Variants in NRXN1 observed in about 807,000 individuals in gnomAD.
The protein encoded by NRXN1 is neurexin 1, also known as neurexin-1.
A neutral mutation model predicts 150.9 loss-of-function variants in NRXN1; 39 were observed. The ratio of observed to expected loss-of-function variants is 0.26; its 90% CI spans 0.20 to 0.34. The LOEUF (loss-of-function observed/expected upper bound fraction) is 0.34. Ranked by LOEUF, NRXN1 falls within the 10% of genes least tolerant of loss-of-function variation. NRXN1 has a pLI of 1.00. For missense variants in NRXN1, 1,815 were observed against 1,949.9 expected (o/e 0.93, Z 1.30); for synonymous variants, 924 against 757.0 (o/e 1.22, Z -3.62).
intron 17 of NRXN1, among the ~76,000 whole-genome samples, chr2:50,449,390 A>G (rs2086754095): frequency 1.3e-5 from 2 of 152,236 alleles, no homozygotes; most frequent in Admixed American, 6.5e-5. Flanking sequence ...TTCTAAGAGA[A>G]GTCTTCCCTC....
intron 17 of NRXN1, among the ~76,000 whole-genome samples, chr2:50,366,969 T>C (rs989570546): frequency 2.0e-5 from 3 of 151,998 alleles, no homozygotes; most frequent in Non-Finnish European, 2.9e-5. Flanking sequence ...ACACGCCTAA[T>C]GGATATAACT....
chr2:49,933,253 A>C (rs1339030414), intron 22 of NRXN1, among the ~76,000 whole-genome samples: 1 of 151,826 alleles, frequency 6.6e-6, no homozygotes, highest in African/African-American at 2.4e-5. Flanking sequence ...CGCCCGGCTA[A>C]TTTTTTGAAT....
At chr2:50,552,475 A>G in intron 9 of NRXN1, 112 bp downstream of exon 9, 1 of 783,096 alleles carries the variant, frequency 1.3e-6, no homozygotes, top group Non-Finnish European at 2.1e-6. Flanking sequence ...CTTTTAGGCT[A>G]AAGAAACAAA....
At chr2:50,622,419 G>A (rs1450801769) in intron 6 of NRXN1, among the ~76,000 whole-genome samples, 1 of 152,050 alleles carries the variant, frequency 6.6e-6, no homozygotes, top group Non-Finnish European at 1.5e-5. Flanking sequence ...AATATGTTAA[G>A]GATATTAGTT....
At chr2:50,532,418 T>A (rs1209710270) in intron 10 of NRXN1, among the ~76,000 whole-genome samples, 1 of 152,048 alleles carries the variant, frequency 6.6e-6, no homozygotes, top group East Asian at 1.9e-4. Flanking sequence ...AAAGGTGATG[T>A]TCAAAAAGAA....
chr2:50,117,405 C>G (rs533027059), intron 18 of NRXN1, among the ~76,000 whole-genome samples: 1 of 152,086 alleles, frequency 6.6e-6, no homozygotes, highest in East Asian at 1.9e-4. Flanking sequence ...AGGGATTTTC[C>G]ACACCCTTCT....
At chr2:50,706,105 A>G (rs546817826) in intron 5 of NRXN1, among the ~76,000 whole-genome samples, 2 of 152,276 alleles carry the variant, frequency 1.3e-5, no homozygotes, top group East Asian at 3.9e-4. Context: ...AGACATTGCT[A>G]TCATGAGGTT....
chr2:50,043,765 C>A (rs1691381649), intron 21 of NRXN1, among the ~76,000 whole-genome samples: 1 of 152,156 alleles, frequency 6.6e-6, no homozygotes, highest in Admixed American at 6.6e-5. Context: ...CTTATAACAG[C>A]TAGCATAGCA....
chr2:50,124,610 T>C (rs974609747), intron 18 of NRXN1, among the ~76,000 whole-genome samples: 2 of 152,094 alleles, frequency 1.3e-5, no homozygotes, highest in Admixed American at 6.6e-5. Context: ...AAAACTTCCA[T>C]TGTGCCCTGC....
At chr2:50,497,757 G>C (rs2104921675) in intron 13 of NRXN1, 43 bp from the exon 14 acceptor site, 1 of 1,537,974 alleles carries the variant, frequency 6.5e-7, no homozygotes, top group South Asian at 1.3e-5. Context: ...GTATCTGAAA[G>C]GCACTTTCAA....
chr2:50,611,683 T>C (rs1333864151), intron 8 of NRXN1, among the ~76,000 whole-genome samples: 1 of 152,238 alleles, frequency 6.6e-6, no homozygotes, highest in Non-Finnish European at 1.5e-5. Flanking sequence ...CAAATGTGTT[T>C]TCTGTGCATT....
chr2:50,415,096 TG>T (rs1280404202), intron 17 of NRXN1, among the ~76,000 whole-genome samples: 1 of 152,094 alleles, frequency 6.6e-6, no homozygotes, highest in Non-Finnish European at 1.5e-5. Flanking sequence ...AACTGTGGAA[TG>T]GTACATAGGA....
chr2:50,067,177 G>C (rs1316636414), intron 19 of NRXN1, among the ~76,000 whole-genome samples: 1 of 152,202 alleles, frequency 6.6e-6, no homozygotes, highest in Non-Finnish European at 1.5e-5. Context: ...GTCTACTGCA[G>C]AGTTCAATGG....
intron 5 of NRXN1, among the ~76,000 whole-genome samples, chr2:50,651,614 T>C (rs761324401): frequency 2.6e-5 from 4 of 151,946 alleles, no homozygotes; most frequent in Non-Finnish European, 4.4e-5. Context: ...GCTGTAAACA[T>C]GCACTGCACT....
rs1052147813 is a variant in NRXN1, at chr2:50,871,713, T to C, written c.832+50156A>G. Among the ~76,000 whole-genome samples the C allele has an allele frequency of 2.0e-5, 3 of 151,784 alleles. No individual in the cohort carries two copies. In the East Asian group the frequency reaches 5.8e-4, roughly 30 times the overall value. On this transcript the variant is annotated intron_variant, in intron 5 of 22. Coordinates refer to ENST00000401669, the MANE Select transcript of NRXN1 (RefSeq NM_001330078.2). ...ACATGCCGAGGGGTCACTAAAAGCA[T>C]ATTAAGGAGCTTCAAAATTTTCAAG...
At chr2:50,349,875 G>A (rs183582638) in intron 17 of NRXN1, among the ~76,000 whole-genome samples, 7 of 152,268 alleles carry the variant, frequency 4.6e-5, no homozygotes, top group African/African-American at 1.4e-4. Context: ...CATATATTGT[G>A]TTAATCTATC....
In NRXN1 at chr2:50,318,263, T is replaced by C. The variant is rs371034649; in HGVS notation, c.3365-81293A>G. Among the ~76,000 whole-genome samples the C allele has an allele frequency of 3.3e-5, 5 of 152,180 alleles. No homozygotes were observed. The East Asian group carries it at 7.7e-4, about 24-fold the overall frequency. On this transcript the variant is annotated intron_variant, in intron 17 of 22. Transcript: ENST00000401669. ...GAATTCAAATTAAATCACAATGAAA[T>C]ACCATTGTACAATCACCGCACTGGC...
chr2:50,452,852 T>C (rs1266035262), intron 17 of NRXN1, among the ~76,000 whole-genome samples: 4 of 152,160 alleles, frequency 2.6e-5, no homozygotes, highest in East Asian at 1.9e-4. Flanking sequence ...CACAAAAGAA[T>C]AGTAATAGAG....
chr2:50,740,292 T>C (rs573080644), intron 5 of NRXN1, among the ~76,000 whole-genome samples: 1 of 152,244 alleles, frequency 6.6e-6, no homozygotes, highest in Admixed American at 6.5e-5. Flanking sequence ...GGAGGAAAAC[T>C]GCTGGGGAAC....
Sources: allele counts gnomAD v4.1 joint callset (sites outside exome capture counted in the v4.1 genomes callset), GRCh38; gene constraint gnomAD v4.1.1; transcripts MANE v1.5; gene names NCBI Gene and HGNC (gene_info 2026-07-23, HGNC 2026-07-21).